PRR33: variants seen among roughly 807,000 people sequenced by gnomAD.
PRR33 encodes proline rich 33, also known as proline-rich protein 33.
A neutral mutation model predicts 0.5 loss-of-function variants in PRR33; 1 was observed. The ratio of observed to expected loss-of-function variants is 2.18; its 90% CI spans 0.77 to 10.34. The LOEUF is 10.34. Ranked by LOEUF, PRR33 falls within the 30% of genes most tolerant of loss-of-function variation. The pLI is 0.13. For synonymous variants in PRR33, 226 were observed against 110.0 expected, an observed-to-expected ratio of 2.06 and a Z score of -6.60; for missense variants, 552 against 251.8, an observed-to-expected ratio of 2.19 and a Z score of -8.07.
At chr11:1,890,415 G>A (rs1267593504) in exon 1 of PRR33, 4 of 717,106 alleles carry the variant, frequency 5.6e-6, no homozygotes, top group East Asian at 2.7e-5. Flanking sequence ...CCTGGGTGGA[G>A]CGAGGTGTGT....
the PRR33 span, among the ~76,000 whole-genome samples, chr11:1,906,049 C>T: frequency 6.7e-6 from 1 of 148,346 alleles, no homozygotes; most frequent in African/African-American, 2.5e-5. Flanking sequence ...TGGTCTTGAA[C>T]TCCTGGACTC....
chr11:1,897,934 G>A, the PRR33 span, among the ~76,000 whole-genome samples: 1 of 152,114 alleles, frequency 6.6e-6, no homozygotes, highest in African/African-American at 2.4e-5. This position sits in a 1 kb window ranked among gnomAD's most constrained non-coding sequence, Gnocchi z 4.0. Flanking sequence ...CCTTAGGTGG[G>A]GTCCCATGAA....
chr11:1,913,668 A>G, the PRR33 span, among the ~76,000 whole-genome samples: 13 of 152,350 alleles, frequency 8.5e-5, no homozygotes, highest in African/African-American at 3.1e-4. Context: ...ACTTGGCCGC[A>G]GAGGGCAGAC....
chr11:1,889,230 G>A, exon 1 of PRR33: 1 of 674,708 alleles, frequency 1.5e-6, no homozygotes. Flanking sequence ...TGTGGGAGGG[G>A]GCCGGGTGGC....
chr11:1,913,022 T>C, the PRR33 span, among the ~76,000 whole-genome samples: 1 of 152,248 alleles, frequency 6.6e-6, no homozygotes, highest in Non-Finnish European at 1.5e-5. Context: ...TTTTAGTGTT[T>C]TGTTCATTTC....
chr11:1,917,573 C>T, the PRR33 span, among the ~76,000 whole-genome samples: 3 of 152,238 alleles, frequency 2.0e-5, no homozygotes, highest in Non-Finnish European at 2.9e-5. Context: ...CCCCAGGAGG[C>T]CCCTGCCCTG....
upstream of PRR33, among the ~76,000 whole-genome samples, chr11:1,893,449 C>CTGGA (rs572776479): frequency 0.15 from 22,060 of 145,338 alleles, 1,890 homozygotes; most frequent in African/African-American, 0.25. Context: ...GGCTGGCTGG[C>CTGGA]TGGATGGATG....
chr11:1,914,383 T>G, the PRR33 span, among the ~76,000 whole-genome samples: 1 of 151,966 alleles, frequency 6.6e-6, no homozygotes, highest in African/African-American at 2.4e-5. Context: ...CTTATGTGTG[T>G]GTGTGTTGTG....
the PRR33 span, among the ~76,000 whole-genome samples, chr11:1,913,965 G>C: frequency 6.6e-6 from 1 of 152,264 alleles, no homozygotes; most frequent in Non-Finnish European, 1.5e-5. Context: ...GACCACCTCT[G>C]TGCCCAGCAT....
At position 1,890,065 on chromosome 11, in the gene PRR33, C is replaced by G. The variant is rs368220635; in HGVS notation, c.520G>C (p.Gly174Arg). The stretch of plus-strand genomic sequence containing the variant: ...TGCACCTGGGTGACGTGGGTGCCCC[C>G]ACCCCCAGAGACAGGGACGAAGCCA... The change falls in exon 1 of 1, where the codon GGG becomes CGG. Residue 174 changes from glycine to arginine, a missense_variant. Coordinates refer to ENST00000640310, the Ensembl canonical transcript of PRR33. The G allele has an allele frequency of 9.9e-4, 705 of 711,072 alleles. 11 individuals carry two copies. The East Asian group carries it at 0.017, about 17-fold the overall frequency. 44.0% of individuals were successfully genotyped at this position (711,072 alleles called of 1,614,324 possible).
the PRR33 span, among the ~76,000 whole-genome samples, chr11:1,904,983 G>C: frequency 6.6e-6 from 1 of 151,762 alleles, no homozygotes. Flanking sequence ...TCTCAATTTT[G>C]TTCTATTATT....
chr11:1,917,605 C>T, the PRR33 span, among the ~76,000 whole-genome samples: 23 of 152,362 alleles, frequency 1.5e-4, 1 homozygote, highest in East Asian at 2.9e-3. Context: ...TGGACCATCC[C>T]GGTCCGGCCA....
exon 1 of PRR33, chr11:1,888,796 C>T (rs1848861360): frequency 4.3e-6 from 1 of 233,882 alleles, no homozygotes; most frequent in East Asian, 8.3e-5. Flanking sequence ...GGCCCAGGCC[C>T]CTGAGGAGCC....
the PRR33 span, among the ~76,000 whole-genome samples, chr11:1,915,882 GTAGA>G: frequency 5.9e-5 from 9 of 151,330 alleles, no homozygotes; most frequent in Admixed American, 4.6e-4. Context: ...AGATGGATGG[GTAGA>G]TAGATGGATA....
the PRR33 span, among the ~76,000 whole-genome samples, chr11:1,900,980 G>A: frequency 2.0e-5 from 3 of 152,112 alleles, no homozygotes; most frequent in Non-Finnish European, 2.9e-5. Context: ...CCTACTCCCA[G>A]GAATAAGCAA....
At chr11:1,889,413 CG>C in the PRR33 span, 5 of 680,598 alleles carry the variant, frequency 7.3e-6, no homozygotes, top group South Asian at 3.1e-5. Context: ...GGCGGGGGCC[CG>C]GGGTGCGGTG....
exon 1 of PRR33, chr11:1,890,902 C>T (rs1848972643): frequency 5.6e-6 from 2 of 356,008 alleles, no homozygotes; most frequent in African/African-American, 2.0e-5. Flanking sequence ...GCCCCAAGTA[C>T]ACAGCCTGGG....
the PRR33 span, among the ~76,000 whole-genome samples, chr11:1,915,095 T>C: frequency 6.7e-6 from 1 of 149,722 alleles, no homozygotes; most frequent in East Asian, 2.0e-4. Context: ...GATGTTTCTC[T>C]GTGTCTGTGT....
At chr11:1,901,499 C>T in the PRR33 span, among the ~76,000 whole-genome samples, 1 of 152,210 alleles carries the variant, frequency 6.6e-6, no homozygotes, top group Non-Finnish European at 1.5e-5. Context: ...AAAGAATTTT[C>T]ATTTGCCAGC....
Sources: allele counts gnomAD v4.1 joint callset (sites outside exome capture counted in the v4.1 genomes callset), GRCh38; gene constraint gnomAD v4.1.1; non-coding constraint Gnocchi (gnomAD v3.1); transcripts MANE v1.5; gene names NCBI Gene and HGNC (gene_info 2026-07-23, HGNC 2026-07-21).